Variants in RYR3 observed in about 807,000 individuals in gnomAD.
RYR3 encodes the protein ryanodine receptor 3.
RYR3 carries 207 observed loss-of-function variants against 584.3 expected under a neutral mutation model. That is an observed-to-expected ratio of 0.35 (90% CI 0.32 to 0.40). The LOEUF is 0.40. RYR3 is among the 10% of genes least tolerant of loss of function. The probability of loss-of-function intolerance (pLI) is 1.00; values close to 1 mark genes in which losing one functional copy is unlikely to be tolerated. For missense variants in RYR3, 5,616 were observed against 6,089.2 expected, an observed-to-expected ratio of 0.92 and a Z score of 2.59; for synonymous variants, 2,416 against 2,248.5, an observed-to-expected ratio of 1.07 and a Z score of -2.11.
chr15:33,436,770 C>T (rs2045765993), intron 1 of RYR3, among the ~76,000 whole-genome samples: 1 of 152,088 alleles, frequency 6.6e-6, no homozygotes, highest in African/African-American at 2.4e-5. Flanking sequence ...TCCCAAAGTG[C>T]TGGTATTACA....
chr15:33,854,567 C>A (rs1204904570), intron 97 of RYR3, 118 bp downstream of exon 97: 1 of 1,047,866 alleles, frequency 9.5e-7, no homozygotes, highest in Non-Finnish European at 1.4e-6. Context: ...GACCAAGAGC[C>A]TTATACGTGC....
chr15:33,862,851 T>A (rs1888895944), intron 102 of RYR3, among the ~76,000 whole-genome samples: 1 of 152,058 alleles, frequency 6.6e-6, no homozygotes, highest in African/African-American at 2.4e-5. Flanking sequence ...CCTGAAGTGA[T>A]CCACCTGCCT....
chr15:33,372,243 G>A (rs1333889768), intron 1 of RYR3, among the ~76,000 whole-genome samples: 4 of 151,870 alleles, frequency 2.6e-5, no homozygotes, highest in African/African-American at 4.8e-5. Context: ...CCAGGCTGGA[G>A]TGCAATGGCA....
At chr15:33,795,395 TTTTTTTTG>T (rs1306084069) in intron 67 of RYR3, among the ~76,000 whole-genome samples, 6 of 81,226 alleles carry the variant, frequency 7.4e-5, no homozygotes, top group East Asian at 1.1e-3. Flanking sequence ...TTTTTTTTTT[TTTTTTTTG>T]TGAGACAGAG....
rs911842651 is a variant in RYR3, at chr15:33,865,885, G to C, written c.*659G>C. On this transcript the variant is annotated 3_prime_UTR_variant, in exon 104 of 104. Transcript: ENST00000634891. The stretch of plus-strand genomic sequence containing the variant: ...CGTCTTACTTTATGAAACTGCACTT[G>C]AAGGTTATTCATACAAGTTTTTTTA... 1.3e-5 allele frequency: 2 copies of C among 152,472 alleles called. No homozygotes were observed. The highest frequency in any genetic ancestry group is 4.8e-5 in the African/African-American group (2 of 41,428). 9.4% of individuals were successfully genotyped at this position (152,472 alleles called of 1,614,324 possible).
intron 65 of RYR3, among the ~76,000 whole-genome samples, chr15:33,785,291 C>T (rs879703146): frequency 2.6e-5 from 4 of 152,178 alleles, no homozygotes; most frequent in Admixed American, 1.3e-4. Flanking sequence ...CCTCTGATTA[C>T]TGATTTTCCT....
intron 12 of RYR3, 100 bp from the exon 13 acceptor site, chr15:33,579,876 G>C (rs2058503601): frequency 1.2e-6 from 1 of 811,880 alleles, no homozygotes; most frequent in African/African-American, 1.7e-5. Flanking sequence ...AGCAACTCAT[G>C]GTGCACCGTG....
intron 1 of RYR3, among the ~76,000 whole-genome samples, chr15:33,392,339 A>AGG (rs1441152883): frequency 6.6e-6 from 1 of 151,426 alleles, no homozygotes; most frequent in Non-Finnish European, 1.5e-5. Flanking sequence ...ACCTATGATT[A>AGG]TACCTTGAAA....
chr15:33,787,527 A>C (rs1285316195), intron 66 of RYR3, among the ~76,000 whole-genome samples: 1 of 127,558 alleles, frequency 7.8e-6, no homozygotes, highest in East Asian at 5.2e-4. Context: ...TTAAAAAAAA[A>C]AAACAAAAAC....
intron 1 of RYR3, among the ~76,000 whole-genome samples, chr15:33,348,330 T>C (rs1204775411): frequency 6.6e-6 from 1 of 152,234 alleles, no homozygotes; most frequent in African/African-American, 2.4e-5. Context: ...TCTTACAGAC[T>C]TCATTCATTT....
chr15:33,352,548 A>C (rs997000150), intron 1 of RYR3, among the ~76,000 whole-genome samples: 1 of 152,178 alleles, frequency 6.6e-6, no homozygotes, highest in Non-Finnish European at 1.5e-5. Flanking sequence ...GAGGAGGTGC[A>C]CAAAATCCTA....
rs758367665 is a variant in RYR3 at position 33,835,070 on chromosome 15, C to G, written c.11566C>G (p.Gln3856Glu). The G allele has an allele frequency of 5.0e-6, 8 of 1,610,318 alleles. No homozygotes were observed. The Admixed American group carries it at 1.3e-4, about 27-fold the overall frequency. ...VFANMQMKLSQDSSQIELLKE... is the reference protein window; with the variant it reads ...VFANMQMKLSEDSSQIELLKE... ...TGCTAATATGCAGATGAAACTCTCT[C>G]AGGTACTGTGGCCCATTCCCTGCAC... The change falls in exon 87 of 104, where the codon CAG becomes GAG. Residue 3856 changes from glutamine (Q) to glutamate (E), a missense_variant and splice_region_variant. By Grantham distance (29) the Gln-to-Glu change is conservative. Coordinates refer to ENST00000634891, the MANE Select transcript of RYR3 (RefSeq NM_001036.6).
Position 33,768,678 on chromosome 15 carries a change from C to A in RYR3, c.8726C>A (p.Ala2909Asp). ...TTCAGCCTGTTCTGCAAACTTGCCG[C>A]TCTCGTTAGACACAGAATTTCCCTC... is the stretch of plus-strand genomic sequence containing the variant. ...MVAGLFCKLAALVRHRISLFG... is the reference protein window; with the variant it reads ...MVAGLFCKLADLVRHRISLFG... The change falls in exon 61 of 104, where the codon GCT (alanine) becomes GAT (aspartate). Residue 2909 changes from alanine (A) to aspartate (D), a missense_variant. Physicochemically the swap from Ala to Asp is moderately radical, Grantham distance 126. Around this residue, in one of 9 missense-constraint regions of RYR3, gnomAD observed 1,280 missense variants for 1,426.2 expected, o/e 0.90. Transcript: ENST00000634891. The A allele has an allele frequency of 1.2e-6, 2 of 1,613,982 alleles. No homozygotes were observed. Among genetic ancestry groups the A allele is most frequent in the South Asian group, 2.2e-5 (2 of 91,078 alleles).
At chr15:33,551,500 T>A (rs1463636359) in intron 10 of RYR3, among the ~76,000 whole-genome samples, 2 of 152,196 alleles carry the variant, frequency 1.3e-5, no homozygotes, top group Non-Finnish European at 2.9e-5. Flanking sequence ...GTTTTCTCCC[T>A]CATTTTGTGC....
At chr15:33,654,820 A>C (rs1001946375) in intron 32 of RYR3, among the ~76,000 whole-genome samples, 4 of 152,244 alleles carry the variant, frequency 2.6e-5, no homozygotes, top group African/African-American at 9.6e-5. Context: ...TATGATGTAC[A>C]TGGATAAAAC....
intron 38 of RYR3, among the ~76,000 whole-genome samples, chr15:33,695,162 G>A (rs2065747301): frequency 6.6e-6 from 1 of 152,322 alleles, no homozygotes. Context: ...ATACCTTGTA[G>A]GACTGTGATA....
At position 33,461,405 on chromosome 15, in the gene RYR3, A is replaced by G. The variant is rs184282102; in HGVS notation, c.52-12014A>G. ...ACGAGGCAATGTCTTATAACCCTGGATAGTGTCTGGTTTTGATTCTTTTAG... is the reference window on the plus strand; with the variant it reads ...ACGAGGCAATGTCTTATAACCCTGGGTAGTGTCTGGTTTTGATTCTTTTAG... On this transcript the variant is annotated intron_variant, in intron 1 of 103. Coordinates refer to ENST00000634891, the MANE Select transcript of RYR3 (RefSeq NM_001036.6). Among the ~76,000 whole-genome samples the G allele has an allele frequency of 2.1e-3, 323 of 152,210 alleles. 1 individual carries two copies. The highest frequency in any genetic ancestry group is 7.6e-3 in the African/African-American group (315 of 41,536).
Position 33,533,236 on chromosome 15 carries a change from G to C in RYR3, c.355-75G>C, listed in dbSNP as rs546574994. 181 of 989,248 alleles carry C rather than the reference G, an allele frequency of 1.8e-4. 2 individuals carry two copies. In the South Asian group the frequency reaches 2.4e-3, roughly 13 times the overall value. The allele number at this position is 989,248 out of a possible 1,614,324, so 61.3% of individuals were successfully genotyped here. On this transcript the variant is annotated intron_variant, in intron 4 of 103. Coordinates refer to ENST00000634891, the MANE Select transcript of RYR3 (RefSeq NM_001036.6). The stretch of plus-strand genomic sequence containing the variant: ...AGTAGCTCATTGTTGAACTTAACTA[G>C]AAGCTAACTAGTGGTAAGATACCAA...
intron 94 of RYR3, among the ~76,000 whole-genome samples, chr15:33,848,797 A>G (rs1315493149): frequency 2.8e-5 from 4 of 144,508 alleles, no homozygotes; most frequent in Non-Finnish European, 6.0e-5. Flanking sequence ...ATGGCACAGC[A>G]CTGCTATAAC....
Sources: gnomAD v4.1 joint callset for allele counts (sites outside exome capture counted in the v4.1 genomes callset) on GRCh38, gnomAD v4.1.1 for gene constraint, gnomAD v4.1.1 regional missense constraint, MANE v1.5 for transcripts, NCBI Gene and HGNC (gene_info 2026-07-23, HGNC 2026-07-21) for gene names.